Variants in CNTN4 observed in about 807,000 individuals in gnomAD.
The protein encoded by CNTN4 is contactin-4.
A neutral mutation model predicts 122.5 loss-of-function variants in CNTN4; 77 were observed. That is an observed-to-expected ratio of 0.63 (90% CI 0.52 to 0.76). The LOEUF (loss-of-function observed/expected upper bound fraction) is 0.76. Among genes scored for constraint, CNTN4 ranks in the 30% least tolerant of loss-of-function variants. The pLI, the probability that CNTN4 is intolerant of heterozygous loss-of-function variation, is 0.00. For missense variants in CNTN4, 1,256 were observed against 1,259.1 expected (o/e 1.00, Z 0.04); for synonymous variants, 512 against 447.0 (o/e 1.15, Z -1.83).
In CNTN4 at chr3:2,942,604, G is replaced by T. The variant is rs149565536; in HGVS notation, c.1358+16825G>T. 2.4e-3 allele frequency among the ~76,000 whole-genome samples: 368 copies of T among 152,254 alleles called. 3 individuals are homozygous for T. Among genetic ancestry groups the T allele is most frequent in the African/African-American group, 8.4e-3 (347 of 41,556 alleles). ...CTTCTGTGAGGTAGGGCCAAATATA[G>T]AGCTTTTTAATGGTGAAGCTTGATG... On this transcript the variant is annotated intron_variant, in intron 13 of 24. Coordinates refer to ENST00000418658, the MANE Select transcript of CNTN4 (RefSeq NM_175607.3).
At chr3:2,875,647 C>A (rs568988579) in intron 8 of CNTN4, among the ~76,000 whole-genome samples, 1 of 152,100 alleles carries the variant, frequency 6.6e-6, no homozygotes, top group Non-Finnish European at 1.5e-5. Flanking sequence ...TATTTTCTGG[C>A]CTTTTACAGA....
chr3:2,881,789 A>C (rs1030576848), intron 8 of CNTN4, among the ~76,000 whole-genome samples: 4 of 149,734 alleles, frequency 2.7e-5, no homozygotes, highest in African/African-American at 9.9e-5. Context: ...CCATCCAGTG[A>C]GTGAAATCAT....
intron 13 of CNTN4, among the ~76,000 whole-genome samples, chr3:2,955,258 C>T (rs2094787421): frequency 6.6e-6 from 1 of 152,144 alleles, no homozygotes; most frequent in African/African-American, 2.4e-5. Context: ...TAAACTATTT[C>T]CCAAGACTCA....
rs149639225 is a variant in CNTN4, at chr3:2,333,621, A to G, written c.-144-5557A>G. 1.9e-3 allele frequency among the ~76,000 whole-genome samples: 284 copies of G among 152,308 alleles called. 1 individual carries two copies. Among genetic ancestry groups the G allele is most frequent in the African/African-American group, 6.4e-3 (264 of 41,560 alleles). ...ACTTTGAGTGTGTGGTGGGGAACCCATTAGTGATCTCTGTGGTTGATAGTA... is the reference window on the plus strand; with the variant it reads ...ACTTTGAGTGTGTGGTGGGGAACCCGTTAGTGATCTCTGTGGTTGATAGTA... On this transcript the variant is annotated intron_variant, in intron 2 of 24. Coordinates refer to ENST00000418658, the MANE Select transcript of CNTN4 (RefSeq NM_175607.3).
intron 3 of CNTN4, among the ~76,000 whole-genome samples, chr3:2,470,627 C>G (rs2075653515): frequency 2.0e-5 from 3 of 152,142 alleles, no homozygotes; most frequent in South Asian, 2.1e-4. Flanking sequence ...CCAACAGACA[C>G]TTACACCCCC....
At chr3:2,621,556 T>A (rs1248332257) in intron 4 of CNTN4, among the ~76,000 whole-genome samples, 1 of 151,916 alleles carries the variant, frequency 6.6e-6, no homozygotes, top group Non-Finnish European at 1.5e-5. Flanking sequence ...AGATGACCGG[T>A]TGATGGGTGC....
chr3:2,796,008 G>T (rs946527367), intron 6 of CNTN4, among the ~76,000 whole-genome samples: 2 of 152,196 alleles, frequency 1.3e-5, no homozygotes, highest in Non-Finnish European at 2.9e-5. Context: ...ATTAATCACA[G>T]AAATATCTGG....
At chr3:2,889,239 G>A (rs1041099976) in intron 10 of CNTN4, among the ~76,000 whole-genome samples, 5 of 152,136 alleles carry the variant, frequency 3.3e-5, no homozygotes, top group African/African-American at 9.7e-5. Context: ...AGCTTCTGAG[G>A]GGAGAGAACA....
chr3:3,052,645 A>G (rs1177635687), intron 23 of CNTN4, among the ~76,000 whole-genome samples: 1 of 152,176 alleles, frequency 6.6e-6, no homozygotes, highest in Non-Finnish European at 1.5e-5. Flanking sequence ...ATCCCAGGTA[A>G]GTGAATGTGT....
Position 2,375,557 on chromosome 3 carries a change from G to A in CNTN4, c.-89+36324G>A, listed in dbSNP as rs182705788. On this transcript the variant is annotated intron_variant, in intron 3 of 24. Transcript: ENST00000418658. ...TCCTACTCTGCTTTCTCTGGCAATGGAGGAGGCAGGTGATTGCCTAAACAC... is the reference window on the plus strand; with the variant it reads ...TCCTACTCTGCTTTCTCTGGCAATGAAGGAGGCAGGTGATTGCCTAAACAC... Among the ~76,000 whole-genome samples the A allele has an allele frequency of 3.1e-3, 468 of 152,296 alleles. 2 individuals carry two copies. The highest frequency in any genetic ancestry group is 0.01 in the Middle Eastern group (3 of 294).
At chr3:2,902,656 C>A (rs2094187477) in intron 11 of CNTN4, among the ~76,000 whole-genome samples, 1 of 152,186 alleles carries the variant, frequency 6.6e-6, no homozygotes, top group African/African-American at 2.4e-5. Context: ...GAGAATCCTA[C>A]AATTTAAATT....
Position 2,458,857 on chromosome 3 carries a change from A to G in CNTN4, c.-88-112559A>G, listed in dbSNP as rs936114771. On this transcript the variant is annotated intron_variant, in intron 3 of 24. Transcript: ENST00000418658. ...TATAATGCAGGGTATTGGCTTTGCT[A>G]TCAAACTTCCCCAAGCACATTTGCT... Among the ~76,000 whole-genome samples the G allele has an allele frequency of 3.3e-5, 5 of 152,170 alleles. No individual in the cohort carries two copies. In the East Asian group the frequency reaches 7.7e-4, roughly 23 times the overall value.
chr3:2,266,904 A>C (rs1433555593), intron 2 of CNTN4, among the ~76,000 whole-genome samples: 1 of 152,128 alleles, frequency 6.6e-6, no homozygotes, highest in Non-Finnish European at 1.5e-5. Flanking sequence ...ACCAGTGACA[A>C]AATTGCAAAA....
chr3:3,027,300 T>C (rs955011597), intron 15 of CNTN4, among the ~76,000 whole-genome samples: 1 of 152,206 alleles, frequency 6.6e-6, no homozygotes, highest in Admixed American at 6.5e-5. Flanking sequence ...GGTACAACTT[T>C]AGATGGCACA....
chr3:2,893,948 C>A (rs1336418906), intron 10 of CNTN4, among the ~76,000 whole-genome samples: 1 of 151,870 alleles, frequency 6.6e-6, no homozygotes, highest in East Asian at 1.9e-4. Flanking sequence ...TTATATCTAC[C>A]CATATATGCC....
intron 13 of CNTN4, among the ~76,000 whole-genome samples, chr3:2,976,841 G>C (rs6766399): frequency 0.43 from 65,169 of 151,856 alleles, 16,124 homozygotes; most frequent in African/African-American, 0.71. Context: ...AAAGAGATAG[G>C]CAAGGAAATT....
chr3:2,500,574 G>A (rs1312701753), intron 3 of CNTN4, among the ~76,000 whole-genome samples: 1 of 151,980 alleles, frequency 6.6e-6, no homozygotes, highest in Non-Finnish European at 1.5e-5. Context: ...TGCTTTTTAA[G>A]ATTTTTCTCT....
chr3:2,611,297 C>CAAAAAAAAAAAAAAAAAAAAAAAAAAA (rs201162114), intron 4 of CNTN4, among the ~76,000 whole-genome samples: 11 of 62,348 alleles, frequency 1.8e-4, no homozygotes, highest in Middle Eastern at 9.4e-3. Context: ...CACCTGGAAC[C>CAAAAAAAAAAAAAAAAAAAAAAAAAAA]AAAAAAAAAA....
At chr3:2,668,501 A>G (rs531613693) in intron 4 of CNTN4, among the ~76,000 whole-genome samples, 18 of 152,316 alleles carry the variant, frequency 1.2e-4, no homozygotes, top group Admixed American at 3.3e-4. Context: ...GGCTGAGACA[A>G]TGGGGTTTTC....
Sources: allele counts gnomAD v4.1 joint callset (sites outside exome capture counted in the v4.1 genomes callset), GRCh38; gene constraint gnomAD v4.1.1; transcripts MANE v1.5; gene names NCBI Gene and HGNC (gene_info 2026-07-23, HGNC 2026-07-21).